Variants in TRPC5 observed in about 807,000 individuals in gnomAD.
The protein encoded by TRPC5 is short transient receptor potential channel 5.
Under a neutral mutation model 56.5 loss-of-function variants are expected in TRPC5, and 9 were observed. The ratio of observed to expected loss-of-function variants is 0.16; its 90% CI spans 0.10 to 0.28. The LOEUF is 0.28. TRPC5 is among the 10% of genes least tolerant of loss of function. TRPC5 has a pLI of 1.00. For synonymous variants in TRPC5, 282 were observed against 278.5 expected, an observed-to-expected ratio of 1.01 and a Z score of -0.13; for missense variants, 469 against 748.9, an observed-to-expected ratio of 0.63 and a Z score of 4.36.
intron 3 of TRPC5, among the ~76,000 whole-genome samples, chrX:111,886,474 G>C (rs1167561838): frequency 9.0e-6 from 1 of 110,959 alleles, no homozygotes; most frequent in African/African-American, 3.3e-5. Flanking sequence ...TTCAGCCTGA[G>C]GTTTATTTAT....
At chrX:111,899,980 C>T (rs1259465576) in intron 3 of TRPC5, among the ~76,000 whole-genome samples, 2 of 110,420 alleles carry the variant, frequency 1.8e-5, no homozygotes, top group African/African-American at 6.6e-5. Flanking sequence ...AGGACAAACC[C>T]CATGTGTACT....
In TRPC5 at chrX:111,948,149, G is replaced by C. The variant is rs191387996; in HGVS notation, c.378+3894C>G. On this transcript the variant is annotated intron_variant, in intron 2 of 10. Coordinates refer to ENST00000262839, the MANE Select transcript of TRPC5 (RefSeq NM_012471.3). ...TGTTATGTACTATTTCTACTTTTTG[G>C]AAAGTGTTGAGGTATTCCAATTTTG... is the stretch of plus-strand genomic sequence containing the variant. 7.1e-4 allele frequency among the ~76,000 whole-genome samples: 79 copies of C among 111,382 alleles called. 1 individual carries two copies. The highest frequency in any genetic ancestry group is 8.9e-4 in the Non-Finnish European group (47 of 53,097).
chrX:112,016,406 G>T (rs1226886652), intron 1 of TRPC5, among the ~76,000 whole-genome samples: 1 of 109,587 alleles, frequency 9.1e-6, no homozygotes, highest in African/African-American at 3.3e-5. Flanking sequence ...GGAGAGACTG[G>T]CCCAACAATA....
chrX:111,991,323 A>G (rs758649735), intron 1 of TRPC5, among the ~76,000 whole-genome samples: 6 of 112,375 alleles, frequency 5.3e-5, no homozygotes, highest in Admixed American at 9.5e-5. Context: ...CTCAGTACAC[A>G]GTGACTGCTC....
At position 111,773,913 on chromosome X, in the gene TRPC5, G is replaced by C. The variant is rs1474838711; in HGVS notation, c.*2400C>G. Among the ~76,000 whole-genome samples, 9 of 111,350 alleles carry C rather than the reference G, an allele frequency of 8.1e-5. No homozygotes were observed. The Admixed American group carries it at 8.6e-4, about 11-fold the overall frequency. On this transcript the variant is annotated 3_prime_UTR_variant, in exon 11 of 11. Coordinates refer to ENST00000262839, the MANE Select transcript of TRPC5 (RefSeq NM_012471.3). ...CAAAATCTTTTTCCTTTCCTACTTT[G>C]TACTGAATTAGAGTTAATAAAAATG...
chrX:112,074,521 A>G (rs1170923026), intron 1 of TRPC5, among the ~76,000 whole-genome samples: 2 of 110,219 alleles, frequency 1.8e-5, no homozygotes, highest in African/African-American at 6.6e-5. Flanking sequence ...AAATCTCCAA[A>G]TCCTTTCGTA....
chrX:111,967,855 A>G (rs914557444), intron 1 of TRPC5, among the ~76,000 whole-genome samples: 9 of 112,168 alleles, frequency 8.0e-5, no homozygotes, highest in South Asian at 3.7e-4. Context: ...TGTTAGCCCT[A>G]AAACCATAAC....
chrX:111,847,994 G>A (rs1922981197), intron 5 of TRPC5, among the ~76,000 whole-genome samples: 2 of 111,325 alleles, frequency 1.8e-5, no homozygotes, highest in African/African-American at 6.5e-5. Flanking sequence ...GGATCCTTAG[G>A]GAGCCATTCA....
chrX:111,951,623 C>T (rs1395528899), intron 2 of TRPC5, among the ~76,000 whole-genome samples: 5 of 111,644 alleles, frequency 4.5e-5, no homozygotes, highest in Non-Finnish European at 7.5e-5. Context: ...GTTTAAAGGC[C>T]TCCTGTGTTG....
In TRPC5 at chrX:111,978,513, C is replaced by T. The variant is rs760003037; in HGVS notation, c.-21-26072G>A. ...CTTTTAAAAGTAAGCATACACGTAC[C>T]GTATGAGCCAGTCTAAAAGTACCTA... is the stretch of plus-strand genomic sequence containing the variant. On this transcript the variant is annotated intron_variant, in intron 1 of 10. Coordinates refer to ENST00000262839, the MANE Select transcript of TRPC5 (RefSeq NM_012471.3). Among the ~76,000 whole-genome samples, 4 of 110,840 alleles carry T rather than the reference C, an allele frequency of 3.6e-5. No homozygotes were observed. The East Asian group carries it at 8.4e-4, about 23-fold the overall frequency.
At chrX:111,827,041 G>A (rs936642745) in intron 7 of TRPC5, among the ~76,000 whole-genome samples, 2 of 111,368 alleles carry the variant, frequency 1.8e-5, no homozygotes, top group African/African-American at 6.5e-5. Flanking sequence ...CTGTGTGTGG[G>A]TCTTGGGGTT....
intron 7 of TRPC5, among the ~76,000 whole-genome samples, chrX:111,801,100 T>C (rs1046495956): frequency 8.9e-6 from 1 of 112,248 alleles, no homozygotes; most frequent in Non-Finnish European, 1.9e-5. Context: ...TACTTTCATC[T>C]CTACTGATTT....
Position 111,768,011 on chromosome X carries a change from T to A in TRPC5, c.*8302A>T, listed in dbSNP as rs1945823362. 1.8e-5 allele frequency among the ~76,000 whole-genome samples: 2 copies of A among 111,744 alleles called. No homozygotes were observed. The highest frequency in any genetic ancestry group is 6.5e-5 in the African/African-American group (2 of 30,812). On this transcript the variant is annotated 3_prime_UTR_variant, in exon 11 of 11. Coordinates refer to ENST00000262839, the MANE Select transcript of TRPC5 (RefSeq NM_012471.3). ...ACCTTAAAATCTGAGTTGTCACACA[T>A]TTCAGGGGAAAAAAGTAAATACTTT...
chrX:111,884,399 A>G (rs190339570), intron 3 of TRPC5, among the ~76,000 whole-genome samples: 2 of 112,522 alleles, frequency 1.8e-5, no homozygotes, highest in South Asian at 3.7e-4. Flanking sequence ...TTTTAAAGGT[A>G]TACCCAGGGC....
chrX:112,030,686 A>G (rs1265386867), intron 1 of TRPC5, among the ~76,000 whole-genome samples: 1 of 112,224 alleles, frequency 8.9e-6, no homozygotes, highest in African/African-American at 3.2e-5. Context: ...ATGTTTTACT[A>G]TGTGAAAAAG....
intron 1 of TRPC5, among the ~76,000 whole-genome samples, chrX:111,995,575 C>A (rs955661273): frequency 1.8e-5 from 2 of 111,096 alleles, no homozygotes; most frequent in African/African-American, 6.6e-5. Context: ...TAGAATTCGG[C>A]TGTGAATCCA....
intron 1 of TRPC5, among the ~76,000 whole-genome samples, chrX:112,067,750 C>T (rs973761678): frequency 7.1e-5 from 8 of 111,977 alleles, no homozygotes; most frequent in Non-Finnish European, 1.5e-4. Flanking sequence ...GAGAGGCAGA[C>T]TCAGAGAGGA....
At chrX:112,003,292 A>G (rs781693144) in intron 1 of TRPC5, among the ~76,000 whole-genome samples, 2 of 111,749 alleles carry the variant, frequency 1.8e-5, no homozygotes, top group Non-Finnish European at 3.8e-5. Context: ...AAGGAGGTAT[A>G]TACTATAATG....
intron 7 of TRPC5, among the ~76,000 whole-genome samples, chrX:111,812,317 C>A (rs1240978336): frequency 1.8e-5 from 2 of 110,621 alleles, no homozygotes; most frequent in East Asian, 5.7e-4. Context: ...TTTCTGGTGC[C>A]CCTCATTGCA....
Sources: gnomAD v4.1 joint callset for allele counts (sites outside exome capture counted in the v4.1 genomes callset) on GRCh38, gnomAD v4.1.1 for gene constraint, MANE v1.5 for transcripts, NCBI Gene and HGNC (gene_info 2026-07-23, HGNC 2026-07-21) for gene names.